The following TRHDE variants were observed in gnomAD, a reference collection of about 807,000 sequenced individuals.
The protein encoded by TRHDE is thyrotropin releasing hormone degrading enzyme, also known as thyrotropin-releasing hormone-degrading ectoenzyme.
TRHDE carries 72 observed loss-of-function variants against 125.7 expected under a neutral mutation model. The ratio of observed to expected loss-of-function variants is 0.57; its 90% confidence interval spans 0.47 to 0.70. TRHDE has a LOEUF of 0.70. Ranked by LOEUF, TRHDE falls within the 30% of genes least tolerant of loss-of-function variation. The probability of loss-of-function intolerance (pLI) is 0.00; values close to 1 mark genes in which losing one functional copy is unlikely to be tolerated. For synonymous variants in TRHDE, 509 were observed against 509.1 expected, an observed-to-expected ratio of 1.00 and a Z score of 0.00; for missense variants, 1,110 against 1,327.1, an observed-to-expected ratio of 0.84 and a Z score of 2.54.
At chr12:72,609,712 T>C (rs1279153189) in intron 12 of TRHDE, among the ~76,000 whole-genome samples, 1 of 152,178 alleles carries the variant, frequency 6.6e-6, no homozygotes, top group East Asian at 1.9e-4. Flanking sequence ...GTCAGTTCTT[T>C]TTAAGTTGTT....
chr12:72,225,880 A>G (rs756907545), intron 2 of TRHDE, among the ~76,000 whole-genome samples: 17 of 152,216 alleles, frequency 1.1e-4, no homozygotes, highest in Non-Finnish European at 1.5e-4. Context: ...TGAGTTCCTC[A>G]GAGAAGAAGG....
At chr12:72,239,100 G>A (rs777496565) in intron 2 of TRHDE, among the ~76,000 whole-genome samples, 4 of 152,126 alleles carry the variant, frequency 2.6e-5, no homozygotes, top group Non-Finnish European at 5.9e-5. Context: ...GGCGAGAGAT[G>A]GTATCTCATT....
chr12:72,584,139 C>T (rs1298639879), intron 12 of TRHDE, among the ~76,000 whole-genome samples: 2 of 151,922 alleles, frequency 1.3e-5, no homozygotes, highest in African/African-American at 4.8e-5. Context: ...AATTTGTAAC[C>T]TTCCAGTACC....
intron 9 of TRHDE, 121 bp from the exon 10 acceptor site, chr12:72,568,446 AT>A (rs995230712): frequency 3.2e-3 from 1,649 of 521,704 alleles, no homozygotes; most frequent in Middle Eastern, 6.0e-3. Context: ...GACCGGAATT[AT>A]TTTTTTTTAG....
At chr12:72,515,963 G>A (rs200837531) in intron 6 of TRHDE, among the ~76,000 whole-genome samples, 11,469 of 97,304 alleles carry the variant, frequency 0.12, 1,629 homozygotes, top group African/African-American at 0.3. Context: ...GATATGTGGC[G>A]CTATTTCTGA....
intron 5 of TRHDE, among the ~76,000 whole-genome samples, chr12:72,479,126 TAGAA>T (rs146568432): frequency 0.034 from 5,189 of 152,184 alleles, 102 homozygotes; most frequent in Non-Finnish European, 0.051. Flanking sequence ...GAACATCTGT[TAGAA>T]AGATGAATGA....
intron 3 of TRHDE, among the ~76,000 whole-genome samples, chr12:72,467,724 A>G (rs190728142): frequency 6.0e-4 from 91 of 152,324 alleles, no homozygotes; most frequent in African/African-American, 2.0e-3. Context: ...CTGAGGCAAC[A>G]GAATCGCTTG....
intron 6 of TRHDE, among the ~76,000 whole-genome samples, chr12:72,510,302 A>G (rs1406549957): frequency 6.6e-6 from 1 of 152,208 alleles, no homozygotes; most frequent in African/African-American, 2.4e-5. Flanking sequence ...TATCTGGTAT[A>G]TTACATTTAT....
chr12:72,649,983 A>G (rs1248521566), intron 15 of TRHDE, among the ~76,000 whole-genome samples: 8 of 152,158 alleles, frequency 5.3e-5, no homozygotes, highest in African/African-American at 1.9e-4. Context: ...TGTTCTCAAA[A>G]AACTAAAAAT....
chr12:72,370,900 G>C (rs1230183315), intron 2 of TRHDE, among the ~76,000 whole-genome samples: 2 of 151,946 alleles, frequency 1.3e-5, no homozygotes, highest in Non-Finnish European at 2.9e-5. Flanking sequence ...GCACCACCAT[G>C]CTCAGCTAAT....
At chr12:72,555,016 G>A (rs1248939549) in intron 7 of TRHDE, among the ~76,000 whole-genome samples, 1 of 152,132 alleles carries the variant, frequency 6.6e-6, no homozygotes, top group African/African-American at 2.4e-5. Flanking sequence ...GTAATTTAAA[G>A]CAAACAAGCA....
chr12:72,226,643 T>C (rs1179796327), intron 2 of TRHDE, among the ~76,000 whole-genome samples: 1 of 152,214 alleles, frequency 6.6e-6, no homozygotes, highest in African/African-American at 2.4e-5. Context: ...ATAGTAGTTA[T>C]TTGACTTACT....
chr12:72,351,661 G>A (rs1870588740), intron 2 of TRHDE, among the ~76,000 whole-genome samples: 1 of 151,798 alleles, frequency 6.6e-6, no homozygotes, highest in Admixed American at 6.6e-5. Context: ...TTGGACTATG[G>A]CAACATCTTT....
intron 3 of TRHDE, among the ~76,000 whole-genome samples, chr12:72,409,644 C>A (rs923123216): frequency 3.3e-5 from 5 of 152,146 alleles, no homozygotes; most frequent in Admixed American, 2.6e-4. Flanking sequence ...CAGAAATAAA[C>A]CTTTGTTACT....
At chr12:72,203,914 C>G (rs1173398692) in intron 2 of TRHDE, among the ~76,000 whole-genome samples, 1 of 152,156 alleles carries the variant, frequency 6.6e-6, no homozygotes, top group Non-Finnish European at 1.5e-5. Context: ...CTCCCTTTGA[C>G]CCATCCCCGC....
intron 5 of TRHDE, among the ~76,000 whole-genome samples, chr12:72,485,906 G>A (rs182240653): frequency 3.9e-4 from 60 of 152,202 alleles, no homozygotes; most frequent in Non-Finnish European, 6.2e-4. Context: ...CTCCCAAGCC[G>A]TATTGGCATC....
intron 2 of TRHDE, among the ~76,000 whole-genome samples, chr12:72,209,681 A>ATG (rs1366210832): frequency 6.6e-6 from 1 of 152,180 alleles, no homozygotes; most frequent in Non-Finnish European, 1.5e-5. Context: ...AGGGGTAAAC[A>ATG]TGTTTATTCT....
At chr12:72,253,776 T>C (rs896161164) in intron 2 of TRHDE, 4 of 152,220 alleles carry the variant, frequency 2.6e-5, no homozygotes, top group African/African-American at 9.6e-5. Context: ...CAAATGCTTT[T>C]TCTGCATTAA....
chr12:72,372,977 G>A lies in TRHDE; in HGVS notation c.1189-5018G>A, dbSNP rs536314609. Among the ~76,000 whole-genome samples the A allele has an allele frequency of 1.5e-3, 229 of 152,208 alleles. 1 individual carries two copies. The highest frequency in any genetic ancestry group is 5.4e-3 in the African/African-American group (225 of 41,540). On this transcript the variant is annotated intron_variant, in intron 2 of 18. Coordinates refer to ENST00000261180, the MANE Select transcript of TRHDE (RefSeq NM_013381.3). ...TGGCATTGAATCTATAAATTACCTT[G>A]GGCAGTATGGCCATTTTCACGATAG...
Sources: gnomAD v4.1 joint callset for allele counts (sites outside exome capture counted in the v4.1 genomes callset) on GRCh38, gnomAD v4.1.1 for gene constraint, MANE v1.5 for transcripts, NCBI Gene and HGNC (gene_info 2026-07-23, HGNC 2026-07-21) for gene names.